Variants in SECISBP2 observed in about 807,000 individuals in gnomAD.
SECISBP2 encodes the protein SECIS binding protein 2.
Under a neutral mutation model 98.2 loss-of-function variants are expected in SECISBP2, and 96 were observed. The observed-to-expected ratio is 0.98, with a 90% CI of 0.83 to 1.16. SECISBP2 has a LOEUF of 1.16. SECISBP2 is among the 50% of genes most tolerant of loss of function. The pLI, the probability that SECISBP2 is intolerant of heterozygous loss-of-function variation, is 0.00. For missense variants in SECISBP2, 1,046 were observed against 1,022.9 expected (o/e 1.02, Z -0.31); for synonymous variants, 407 against 370.2 (o/e 1.10, Z -1.14).
chr9:89,331,761 C>T (rs1463343639), intron 5 of SECISBP2, among the ~76,000 whole-genome samples: 6 of 152,184 alleles, frequency 3.9e-5, no homozygotes, highest in African/African-American at 1.2e-4. Flanking sequence ...GGGATCATTG[C>T]AGCTTTAAGA....
chr9:89,323,958 T>A (rs1232653792), intron 2 of SECISBP2: 1 of 152,166 alleles, frequency 6.6e-6, no homozygotes, highest in African/African-American at 2.4e-5. Context: ...GGATGAAAAT[T>A]TCCTGGATGA....
intron 14 of SECISBP2, chr9:89,357,161 G>C (rs1337115631): frequency 1.9e-6 from 1 of 531,838 alleles, no homozygotes; most frequent in East Asian, 3.4e-5. Flanking sequence ...TAGGTGGTAA[G>C]TTTCAGTAAT....
rs1355426011 is a variant in SECISBP2, at chr9:89,318,600, G to T, written c.24G>T (p.Glu8Asp). ...GCATGGCGTCGGAGGGGCCGCGGGA[G>T]CCCGAAAGCGAGGTAAGGGCCGACG... MASEGPR[E>D]PESEGIKLSA... The change falls in exon 1 of 17, where the codon GAG becomes GAT. Residue 8 changes from glutamate to aspartate, a missense_variant. By Grantham distance (45) the Glu-to-Asp change is conservative (BLOSUM62 2). Coordinates refer to ENST00000375807, the MANE Select transcript of SECISBP2 (RefSeq NM_024077.5). 1.4e-5 allele frequency: 20 copies of T among 1,460,478 alleles called. No homozygotes were observed. Among genetic ancestry groups the T allele is most frequent in the Admixed American group, 2.7e-5 (1 of 37,344 alleles). The allele number at this position is 1,460,478 out of a possible 1,614,324, so 90.5% of individuals were successfully genotyped here. A position where few individuals can be genotyped will look rare whatever the true frequency, so the allele number is the denominator to read the frequency against.
chr9:89,347,123 CT>C, intron 11 of SECISBP2, 75 bp downstream of exon 11: 1 of 1,490,436 alleles, frequency 6.7e-7, no homozygotes, highest in Non-Finnish European at 9.2e-7. Context: ...TCTCCCAGCT[CT>C]TAGATTTTTA....
At chr9:89,342,519 C>A (rs904962251) in intron 10 of SECISBP2, among the ~76,000 whole-genome samples, 3 of 152,098 alleles carry the variant, frequency 2.0e-5, no homozygotes, top group African/African-American at 7.2e-5. Context: ...GTAGAAACAG[C>A]GCAAATGTTC....
intron 5 of SECISBP2, 178 bp downstream of exon 5, chr9:89,329,064 A>G (rs1196363471): frequency 1.6e-6 from 1 of 614,028 alleles, no homozygotes; most frequent in Non-Finnish European, 2.9e-6. Flanking sequence ...ACAGTTTATA[A>G]TGAGGCTGTA....
At chr9:89,318,636 C>A (rs1013634773) in intron 1 of SECISBP2, 24 bp downstream of exon 1, 72 of 1,415,770 alleles carry the variant, frequency 5.1e-5, no homozygotes, top group Non-Finnish European at 6.0e-5. Context: ...GGGGCTCTCT[C>A]GGCAGCCTCA....
At chr9:89,355,312 G>C (rs1831902312) in intron 14 of SECISBP2, 1 of 985,312 alleles carries the variant, frequency 1.0e-6, no homozygotes, top group Non-Finnish European at 1.2e-6. Context: ...AATGCTGTGT[G>C]CCTTGGTAAC....
chr9:89,344,305 CTT>C (rs1830122234), intron 10 of SECISBP2, among the ~76,000 whole-genome samples: 1 of 152,124 alleles, frequency 6.6e-6, no homozygotes, highest in African/African-American at 2.4e-5. Context: ...TGCAGAAGCT[CTT>C]TAGTTTAATT....
chr9:89,322,109 T>C, intron 2 of SECISBP2: 1 of 152,254 alleles, frequency 6.6e-6, no homozygotes, highest in East Asian at 1.9e-4. Context: ...TCAAAGATGC[T>C]CATTTATTCA....
chr9:89,330,685 C>T (rs1048193708), intron 5 of SECISBP2, among the ~76,000 whole-genome samples: 4 of 152,336 alleles, frequency 2.6e-5, no homozygotes, highest in Middle Eastern at 6.8e-3. Context: ...GTCAGGCCAA[C>T]TGATGGCTAT....
At position 89,349,760 on chromosome 9, in the gene SECISBP2, T is replaced by C; in HGVS notation, c.1739-16T>C. 14 of 1,612,926 alleles carry C rather than the reference T, an allele frequency of 8.7e-6. No individual in the cohort carries two copies. The highest frequency in any genetic ancestry group is 1.2e-5 in the Non-Finnish European group (14 of 1,179,240). ...GGCCTCACAGATATCTGATGATGCC[T>C]TTTTCCTCCATGAAGGGCCAGAGGG... On this transcript the variant is annotated splice_polypyrimidine_tract_variant and intron_variant, in intron 12 of 16. Coordinates refer to ENST00000375807, the MANE Select transcript of SECISBP2 (RefSeq NM_024077.5).
At chr9:89,324,477 T>C (rs1826344074) in intron 2 of SECISBP2, 1 of 152,216 alleles carries the variant, frequency 6.6e-6, no homozygotes, top group Admixed American at 6.6e-5. Flanking sequence ...AACGTTATTA[T>C]ATTATAGGTA....
chr9:89,344,081 G>A (rs1001600293), intron 10 of SECISBP2, among the ~76,000 whole-genome samples: 1 of 152,160 alleles, frequency 6.6e-6, no homozygotes, highest in African/African-American at 2.4e-5. Flanking sequence ...GTGATGTTGA[G>A]GTTTTTCTCG....
At chr9:89,364,005 T>C (rs374147996), downstream of SECISBP2, 80 of 1,613,504 alleles carry the variant, frequency 5.0e-5, no homozygotes, top group Middle Eastern at 3.3e-4. Flanking sequence ...CCAAAGAAGC[T>C]GCCCCATGAG....
rs973603260 is a variant in SECISBP2 at position 89,357,141 on chromosome 9, C to A, written c.2114-270C>A. ...GCCTTTTGGGATTTGGGGGAGGACA[C>A]AGGAGCTAATAGGTGGTAAGTTTCA... On this transcript the variant is annotated intron_variant, in intron 14 of 16. Coordinates refer to ENST00000375807, the MANE Select transcript of SECISBP2 (RefSeq NM_024077.5). 4.6e-5 allele frequency: 22 copies of A among 476,692 alleles called. No homozygotes were observed. The East Asian group carries it at 9.1e-4, about 20-fold the overall frequency. 29.5% of individuals were successfully genotyped at this position (476,692 alleles called of 1,614,324 possible).
At position 89,318,692 on chromosome 9, in the gene SECISBP2, G is replaced by T. The variant is rs545274891; in HGVS notation, c.36+80G>T. On this transcript the variant is annotated intron_variant, in intron 1 of 16. Transcript: ENST00000375807. ...CTGGGGGCTCGGCCGGGCGGTGACG[G>T]GGCTGGTCCAGCGGGCGTGGGTCGG... 1.2e-4 allele frequency: 165 copies of T among 1,325,274 alleles called. 1 individual carries two copies. The South Asian group carries it at 2.6e-3, about 21-fold the overall frequency. 82.1% of individuals were successfully genotyped at this position (1,325,274 alleles called of 1,614,324 possible).
intron 2 of SECISBP2, among the ~76,000 whole-genome samples, chr9:89,321,687 T>G (rs1181322921): frequency 1.3e-5 from 2 of 152,174 alleles, no homozygotes; most frequent in Non-Finnish European, 2.9e-5. Context: ...AATAGTTTTC[T>G]TAACTCTTCT....
intron 10 of SECISBP2, 126 bp downstream of exon 10, chr9:89,341,605 T>C: frequency 9.0e-7 from 1 of 1,115,744 alleles, no homozygotes; most frequent in South Asian, 1.3e-5. Flanking sequence ...AGAATAAGCA[T>C]AGATAAGGAC....
Sources: gnomAD v4.1 joint callset for allele counts (sites outside exome capture counted in the v4.1 genomes callset) on GRCh38, gnomAD v4.1.1 for gene constraint, MANE v1.5 for transcripts, NCBI Gene and HGNC (gene_info 2026-07-23, HGNC 2026-07-21) for gene names.